ETF1: variants seen among roughly 807,000 people sequenced by gnomAD.
The protein encoded by ETF1 is eukaryotic peptide chain release factor subunit 1.
A neutral mutation model predicts 55.1 loss-of-function variants in ETF1; 4 were observed. The ratio of observed to expected loss-of-function variants is 0.07; its 90% CI spans 0.04 to 0.17. The LOEUF (loss-of-function observed/expected upper bound fraction) is 0.17. ETF1 is among the 10% of genes least tolerant of loss of function. ETF1 has a pLI of 1.00. For synonymous variants in ETF1, 157 were observed against 182.3 expected (o/e 0.86, Z 1.12); for missense variants, 142 against 523.6 (o/e 0.27, Z 7.11).
intron 3 of ETF1, 132 bp from the exon 4 acceptor site, chr5:138,517,832 T>C: frequency 1.5e-6 from 2 of 1,297,738 alleles, no homozygotes; most frequent in South Asian, 2.6e-5. Context: ...CAGAAAAAGC[T>C]TGAAATCTCT....
chr5:138,520,913 G>A (rs139954663), intron 2 of ETF1, among the ~76,000 whole-genome samples: 15 of 152,220 alleles, frequency 9.9e-5, no homozygotes, highest in African/African-American at 3.1e-4. Context: ...ACAGCCATGT[G>A]GGATAAGTGT....
intron 2 of ETF1, chr5:138,529,688 C>A (rs1313370021): frequency 1.0e-6 from 1 of 984,674 alleles, no homozygotes; most frequent in African/African-American, 1.7e-5. Flanking sequence ...TCTGAAAAAT[C>A]AAACAGGTGA....
At chr5:138,530,510 T>C (rs1424258913) in intron 2 of ETF1, among the ~76,000 whole-genome samples, 1 of 152,022 alleles carries the variant, frequency 6.6e-6, no homozygotes, top group Non-Finnish European at 1.5e-5. Flanking sequence ...ACCCCTGATC[T>C]CAAATTATCC....
At chr5:138,535,939 T>C (rs1272296620) in intron 2 of ETF1, among the ~76,000 whole-genome samples, 1 of 141,258 alleles carries the variant, frequency 7.1e-6, no homozygotes, top group African/African-American at 2.6e-5. Flanking sequence ...CCCTTCAACA[T>C]GTACTGTGTT....
In ETF1 at chr5:138,543,162, C is replaced by T. The variant is rs1561850866; in HGVS notation, c.-84G>A. Reference sequence around the variant, plus strand: ...GGCGGCGGCTCCGCGGCGGCGGCGGCTCTGACGTAGGACACCGGCTCCCTC... The same window carrying T: ...GGCGGCGGCTCCGCGGCGGCGGCGGTTCTGACGTAGGACACCGGCTCCCTC... On this transcript the variant is annotated 5_prime_UTR_variant, in exon 1 of 11. Coordinates refer to ENST00000360541, the MANE Select transcript of ETF1 (RefSeq NM_004730.4). The T allele has an allele frequency of 1.7e-6, 1 of 578,992 alleles. No individual in the cohort carries two copies. Among genetic ancestry groups the T allele is most frequent in the Non-Finnish European group, 3.0e-6 (1 of 328,588 alleles). 35.9% of individuals were successfully genotyped at this position (578,992 alleles called of 1,614,324 possible).
rs1766265138 is a variant in ETF1 at position 138,543,229 on chromosome 5, C to T, written c.-151G>A. ...TGTGTTGCAATCCGCTCACATGGGG[C>T]CTGTGACATCACTTCCTCCGCCAGG... is the stretch of plus-strand genomic sequence containing the variant. On this transcript the variant is annotated 5_prime_UTR_variant, in exon 1 of 11. Transcript: ENST00000360541. 4.6e-6 allele frequency: 2 copies of T among 439,226 alleles called. No individual in the cohort carries two copies. 27.2% of individuals were successfully genotyped at this position (439,226 alleles called of 1,614,324 possible). A position where few individuals can be genotyped will look rare whatever the true frequency, so the allele number is the denominator to read the frequency against.
chr5:138,535,585 G>C (rs1214148130), intron 2 of ETF1, among the ~76,000 whole-genome samples: 1 of 151,694 alleles, frequency 6.6e-6, no homozygotes, highest in Non-Finnish European at 1.5e-5. Flanking sequence ...GCCGGCTGTG[G>C]TGGCGGGTGC....
chr5:138,534,051 A>G (rs1405837708), intron 2 of ETF1, among the ~76,000 whole-genome samples: 1 of 152,200 alleles, frequency 6.6e-6, no homozygotes, highest in Non-Finnish European at 1.5e-5. Flanking sequence ...TAGTTTATGC[A>G]ATTGACCTTA....
At chr5:138,510,081 G>GGCA (rs1441636112) in intron 9 of ETF1, among the ~76,000 whole-genome samples, 68 of 151,126 alleles carry the variant, frequency 4.5e-4, no homozygotes, top group Non-Finnish European at 8.3e-4. Flanking sequence ...AAAAAGACCG[G>GGCA]TCATGGTGGC....
At chr5:138,534,213 C>G (rs116390130) in intron 2 of ETF1, among the ~76,000 whole-genome samples, 1,671 of 152,282 alleles carry the variant, frequency 0.011, 21 homozygotes, top group Middle Eastern at 0.031. Flanking sequence ...TTCTGTCCCC[C>G]AGAGAACAAA....
Position 138,543,204 on chromosome 5 carries a change from T to C in ETF1, c.-126A>G. ...GGCTCCCTCTCTCCAGGCAGCTGCATGTGTTGCAATCCGCTCACATGGGGC... is the reference window on the plus strand; with the variant it reads ...GGCTCCCTCTCTCCAGGCAGCTGCACGTGTTGCAATCCGCTCACATGGGGC... On this transcript the variant is annotated 5_prime_UTR_variant, in exon 1 of 11. An upstream start codon of the reference 5' UTR is lost. Coordinates refer to ENST00000360541, the MANE Select transcript of ETF1 (RefSeq NM_004730.4). 3.7e-6 allele frequency: 2 copies of C among 537,682 alleles called. No homozygotes were observed. Among genetic ancestry groups the C allele is most frequent in the South Asian group, 2.5e-5 (1 of 39,614 alleles). 33.3% of individuals were successfully genotyped at this position (537,682 alleles called of 1,614,324 possible). A position where few individuals can be genotyped will look rare whatever the true frequency, so the allele number is the denominator to read the frequency against.
chr5:138,524,936 T>G (rs1001446885), intron 2 of ETF1, among the ~76,000 whole-genome samples: 3 of 151,940 alleles, frequency 2.0e-5, no homozygotes, highest in African/African-American at 2.4e-5. Flanking sequence ...TTTACATTTT[T>G]GGAAGTTAAT....
chr5:138,529,363 AAAAT>A (rs1283102848), intron 2 of ETF1, among the ~76,000 whole-genome samples: 10 of 152,226 alleles, frequency 6.6e-5, no homozygotes, highest in Non-Finnish European at 2.9e-5. Context: ...GGGAAAATGA[AAAAT>A]AAAGCTCTCA....
In ETF1 at chr5:138,517,699, T is replaced by C; in HGVS notation, c.264A>G (p.Val88=). The C allele has an allele frequency of 6.8e-7, 1 of 1,475,732 alleles. No homozygotes were observed. The highest frequency in any genetic ancestry group is 1.4e-5 in the South Asian group (1 of 71,364). The allele number at this position is 1,475,732 out of a possible 1,614,324, so 91.4% of individuals were successfully genotyped here. The change falls in exon 4 of 11, where the codon GTA becomes GTG. Residue 88 remains valine, a splice_region_variant and synonymous_variant. Coordinates refer to ENST00000360541, the MANE Select transcript of ETF1 (RefSeq NM_004730.4). ...AGTATACAACCAGACCATTTGGAGG[T>C]ACTGCAAAGAACACAAACAATTTTT... ...VQQRLKLYNK[V]PPNGLVVYCG...
At chr5:138,530,655 C>A (rs937722357) in intron 2 of ETF1, among the ~76,000 whole-genome samples, 1 of 152,116 alleles carries the variant, frequency 6.6e-6, no homozygotes, top group Non-Finnish European at 1.5e-5. Context: ...ATCTTTGCAA[C>A]CTCTGCCTCC....
chr5:138,511,389 T>TACATACAGAC (rs1554137315), intron 7 of ETF1, 86 bp downstream of exon 7: 1 of 1,411,898 alleles, frequency 7.1e-7, no homozygotes, highest in African/African-American at 1.8e-5. Flanking sequence ...ATCACGTACA[T>TACATACAGAC]ACACACACAC....
At chr5:138,515,338 T>C (rs954898767) in intron 4 of ETF1, among the ~76,000 whole-genome samples, 7 of 152,066 alleles carry the variant, frequency 4.6e-5, no homozygotes, top group Non-Finnish European at 8.8e-5. Context: ...GGCAGGACAA[T>C]CACTTGAATT....
chr5:138,522,543 T>C (rs561621520), intron 2 of ETF1, among the ~76,000 whole-genome samples: 1 of 151,804 alleles, frequency 6.6e-6, no homozygotes, highest in African/African-American at 2.4e-5. Context: ...ACACAAAAAT[T>C]TGTGCTTCAA....
At chr5:138,531,839 G>A (rs2127117699) in intron 2 of ETF1, among the ~76,000 whole-genome samples, 1 of 152,266 alleles carries the variant, frequency 6.6e-6, no homozygotes, top group South Asian at 2.1e-4. Flanking sequence ...GAGGTCAGGA[G>A]ATTGAGATCA....
Sources: allele counts gnomAD v4.1 joint callset (sites outside exome capture counted in the v4.1 genomes callset), GRCh38; gene constraint gnomAD v4.1.1; transcripts MANE v1.5; gene names NCBI Gene and HGNC (gene_info 2026-07-23, HGNC 2026-07-21).